CNTNAP2: variants seen among roughly 807,000 people sequenced by gnomAD.
CNTNAP2 encodes the protein contactin associated protein 2.
In CNTNAP2, 98 loss-of-function variants were observed where a neutral mutation model predicts 155.2. The observed-to-expected ratio is 0.63, with a 90% CI of 0.54 to 0.75. The LOEUF (loss-of-function observed/expected upper bound fraction) is 0.75, where lower values mean the gene tolerates loss of function less well. Ranked by LOEUF, CNTNAP2 falls within the 30% of genes least tolerant of loss-of-function variation. The pLI, the probability that CNTNAP2 is intolerant of heterozygous loss-of-function variation, is 0.00. For missense variants in CNTNAP2, 1,727 were observed against 1,688.1 expected (o/e 1.02, Z -0.40); for synonymous variants, 651 against 631.2 (o/e 1.03, Z -0.47).
chr7:148,357,425 C>T (rs182237172), intron 21 of CNTNAP2, among the ~76,000 whole-genome samples: 1 of 152,312 alleles, frequency 6.6e-6, no homozygotes, highest in Admixed American at 6.5e-5. Context: ...TAATACACCA[C>T]ACATGCTCAT....
At chr7:146,949,013 A>C (rs1406655715) in intron 3 of CNTNAP2, among the ~76,000 whole-genome samples, 1 of 152,170 alleles carries the variant, frequency 6.6e-6, no homozygotes, top group African/African-American at 2.4e-5. Flanking sequence ...TAACTATATT[A>C]CTTTTGCAAG....
intron 13 of CNTNAP2, among the ~76,000 whole-genome samples, chr7:147,878,107 T>G (rs1400032454): frequency 6.6e-6 from 1 of 151,568 alleles, no homozygotes; most frequent in African/African-American, 2.4e-5. Context: ...TCTTTAGGTA[T>G]GTTTTTCAGT....
rs1184055556 is a variant in CNTNAP2, at chr7:148,413,392, C to CAAAAAAAAAAAAA, written c.3797-2015_3797-2014insAAAAAAAAAAAAA. Reference sequence around the variant, plus strand: ...GGGCAACAAGAGTGAAACTCCGTCTCAAAAAAAAAATATATATATATATAT... The same window carrying CAAAAAAAAAAAAA: ...GGGCAACAAGAGTGAAACTCCGTCTCAAAAAAAAAAAAAAAAAAAAAAATATATATATATATAT... On this transcript the variant is annotated intron_variant, in intron 23 of 23. Transcript: ENST00000361727. Among the ~76,000 whole-genome samples, 3 of 1,650 alleles carry CAAAAAAAAAAAAA rather than the reference C, an allele frequency of 1.8e-3. 1 individual carries two copies. The highest frequency in any genetic ancestry group is 6.4e-3 in the Admixed American group (1 of 156). The allele number at this position is 1,650 out of a possible 152,430, so 1.1% of individuals were successfully genotyped here.
At chr7:146,529,385 G>T (rs1347140758) in intron 1 of CNTNAP2, among the ~76,000 whole-genome samples, 1 of 152,046 alleles carries the variant, frequency 6.6e-6, no homozygotes, top group Non-Finnish European at 1.5e-5. Context: ...TCCAGAGCAG[G>T]GGTTCCTAAC....
intron 21 of CNTNAP2, among the ~76,000 whole-genome samples, chr7:148,349,006 A>ATTC (rs5888321): frequency 0.98 from 149,217 of 152,196 alleles, 73,214 homozygotes; most frequent in East Asian, 1. Context: ...TTTTAATCTT[A>ATTC]ATTCATCCAG....
chr7:147,235,773 C>T (rs1803787428), intron 8 of CNTNAP2, among the ~76,000 whole-genome samples: 1 of 152,084 alleles, frequency 6.6e-6, no homozygotes, highest in African/African-American at 2.4e-5. Context: ...AATGTTGTTC[C>T]AAAATCATCT....
intron 1 of CNTNAP2, among the ~76,000 whole-genome samples, chr7:146,410,859 T>C (rs1795855329): frequency 6.6e-6 from 1 of 152,208 alleles, no homozygotes; most frequent in South Asian, 2.1e-4. Context: ...AGTGAGATAG[T>C]GTGGTGTTTG....
intron 15 of CNTNAP2, among the ~76,000 whole-genome samples, chr7:148,012,790 T>G (rs1245229636): frequency 6.6e-6 from 1 of 152,208 alleles, no homozygotes; most frequent in Non-Finnish European, 1.5e-5. Context: ...CTTCCAAAGC[T>G]AAAAGTAATG....
chr7:146,364,166 T>G (rs1313408790), intron 1 of CNTNAP2, among the ~76,000 whole-genome samples: 1 of 152,214 alleles, frequency 6.6e-6, no homozygotes, highest in Non-Finnish European at 1.5e-5. Context: ...TTTTTTAAAT[T>G]TTTAATTAAC....
At chr7:147,761,726 A>C (rs939109651) in intron 13 of CNTNAP2, among the ~76,000 whole-genome samples, 3 of 152,214 alleles carry the variant, frequency 2.0e-5, no homozygotes, top group Non-Finnish European at 4.4e-5. Flanking sequence ...GATGGTAATA[A>C]TTGTGTATAT....
chr7:147,345,735 T>C (rs1256818642), intron 9 of CNTNAP2, among the ~76,000 whole-genome samples: 1 of 152,236 alleles, frequency 6.6e-6, no homozygotes, highest in African/African-American at 2.4e-5. Context: ...TTTCTTTTTT[T>C]CCTTCAGCAG....
intron 10 of CNTNAP2, among the ~76,000 whole-genome samples, chr7:147,473,882 C>G (rs1166384161): frequency 6.6e-6 from 1 of 151,726 alleles, no homozygotes; most frequent in Non-Finnish European, 1.5e-5. Context: ...GAGTTTGAGA[C>G]CAGCCTGACA....
intron 1 of CNTNAP2, among the ~76,000 whole-genome samples, chr7:146,412,891 C>T (rs1055662211): frequency 2.0e-5 from 3 of 152,248 alleles, no homozygotes; most frequent in African/African-American, 7.2e-5. Context: ...GACTGCTTCC[C>T]TTTTATCTGT....
At chr7:147,054,017 G>A (rs1307042446) in intron 4 of CNTNAP2, among the ~76,000 whole-genome samples, 5 of 152,056 alleles carry the variant, frequency 3.3e-5, no homozygotes, top group Admixed American at 3.3e-4. Flanking sequence ...CGAATTAATC[G>A]CAGACCTAGA....
intron 13 of CNTNAP2, among the ~76,000 whole-genome samples, chr7:147,644,837 T>G (rs563004311): frequency 6.6e-6 from 1 of 152,326 alleles, no homozygotes; most frequent in South Asian, 2.1e-4. Context: ...ATTTTACAAA[T>G]CATATTACAC....
At chr7:147,263,855 G>A (rs1804547603) in intron 8 of CNTNAP2, among the ~76,000 whole-genome samples, 2 of 152,052 alleles carry the variant, frequency 1.3e-5, no homozygotes, top group Admixed American at 1.3e-4. Flanking sequence ...CACTCTTCCG[G>A]GAATCATTTT....
intron 1 of CNTNAP2, among the ~76,000 whole-genome samples, chr7:146,342,620 A>T (rs1277650898): frequency 6.6e-6 from 1 of 152,198 alleles, no homozygotes; most frequent in African/African-American, 2.4e-5. Context: ...CATATCATTT[A>T]ATTGAATAGA....
At chr7:147,851,524 A>C (rs1434427115) in intron 13 of CNTNAP2, among the ~76,000 whole-genome samples, 1 of 152,194 alleles carries the variant, frequency 6.6e-6, no homozygotes, top group Non-Finnish European at 1.5e-5. Flanking sequence ...AACCAACCCA[A>C]ATATCCATCA....
chr7:147,091,446 T>A (rs1330462357), intron 4 of CNTNAP2, among the ~76,000 whole-genome samples: 1 of 152,084 alleles, frequency 6.6e-6, no homozygotes, highest in Admixed American at 6.5e-5. Context: ...CTCAACCATA[T>A]ACTTTTTTCT....
Sources: gnomAD v4.1 joint callset for allele counts (sites outside exome capture counted in the v4.1 genomes callset) on GRCh38, gnomAD v4.1.1 for gene constraint, MANE v1.5 for transcripts, NCBI Gene and HGNC (gene_info 2026-07-23, HGNC 2026-07-21) for gene names.